The following NBEA variants were observed in gnomAD, a reference collection of about 807,000 sequenced individuals.
The protein encoded by NBEA is neurobeachin, also known as lysosomal-trafficking regulator 2.
Under a neutral mutation model 343.4 loss-of-function variants are expected in NBEA, and 44 were observed. The ratio of observed to expected loss-of-function variants is 0.13; its 90% CI spans 0.10 to 0.16. NBEA has a LOEUF of 0.16. NBEA is among the 10% of genes least tolerant of loss of function. The pLI is 1.00. For synonymous variants in NBEA, 1,175 were observed against 1,238.7 expected, an observed-to-expected ratio of 0.95 and a Z score of 1.08; for missense variants, 2,555 against 3,631.3, an observed-to-expected ratio of 0.70 and a Z score of 7.62.
chr13:35,155,965 A>C lies in NBEA; in HGVS notation c.2527+110A>C, dbSNP rs2069144204. ...AATCATTATGGTGTTTACCTAGTTC[A>C]TGACAGTTTTAACTCACCTTTTATA... On this transcript the variant is annotated intron_variant, in intron 19 of 58. Transcript: ENST00000379939. The C allele has an allele frequency of 3.4e-6, 5 of 1,477,254 alleles. No individual in the cohort carries two copies. In the African/African-American group the frequency reaches 5.6e-5, roughly 17 times the overall value. The allele number at this position is 1,477,254 out of a possible 1,614,324, so 91.5% of individuals were successfully genotyped here. A position where few individuals can be genotyped will look rare whatever the true frequency, so the allele number is the denominator to read the frequency against.
At chr13:35,515,748 GGT>G (rs1491210217) in intron 41 of NBEA, among the ~76,000 whole-genome samples, 1 of 44,316 alleles carries the variant, frequency 2.3e-5, no homozygotes, top group Non-Finnish European at 5.4e-5. Flanking sequence ...TGTAGTAACT[GGT>G]TTTTTTTTTT....
intron 8 of NBEA, among the ~76,000 whole-genome samples, chr13:35,066,486 CAT>C (rs2063658084): frequency 6.6e-6 from 1 of 152,034 alleles, no homozygotes; most frequent in Non-Finnish European, 1.5e-5. Flanking sequence ...GTTGGGTGCA[CAT>C]ATGTTTACAA....
intron 10 of NBEA, among the ~76,000 whole-genome samples, chr13:35,082,656 C>G (rs984744361): frequency 6.6e-6 from 1 of 152,162 alleles, no homozygotes; most frequent in African/African-American, 2.4e-5. Context: ...ATTTGCATTT[C>G]TCTGATGGCC....
At chr13:35,303,079 C>G in intron 35 of NBEA, among the ~76,000 whole-genome samples, 1 of 152,064 alleles carries the variant, frequency 6.6e-6, no homozygotes, top group East Asian at 1.9e-4. Flanking sequence ...GCAGGATAGA[C>G]AGAAGACTTA....
intron 45 of NBEA, among the ~76,000 whole-genome samples, chr13:35,577,585 CT>C (rs2153033982): frequency 6.6e-6 from 1 of 152,050 alleles, no homozygotes; most frequent in East Asian, 1.9e-4. Flanking sequence ...ATATTTTTCA[CT>C]TTGTTATGTC....
chr13:35,232,839 G>A (rs555187481), intron 34 of NBEA, among the ~76,000 whole-genome samples: 6 of 152,122 alleles, frequency 3.9e-5, no homozygotes, highest in African/African-American at 7.2e-5. Flanking sequence ...GATGAAGAAC[G>A]TTGAAAAGGT....
At chr13:35,321,703 C>G (rs1181912054) in intron 36 of NBEA, among the ~76,000 whole-genome samples, 1 of 151,824 alleles carries the variant, frequency 6.6e-6, no homozygotes, top group Non-Finnish European at 1.5e-5. Flanking sequence ...CACAGCCGCC[C>G]CTTCCCCCAG....
chr13:35,553,063 T>G (rs1358066639), intron 43 of NBEA, among the ~76,000 whole-genome samples: 2 of 152,026 alleles, frequency 1.3e-5, no homozygotes, highest in African/African-American at 4.8e-5. Flanking sequence ...AGCTAATTTT[T>G]GTATTGTTTA....
At chr13:35,194,968 G>A (rs1172935989) in intron 30 of NBEA, among the ~76,000 whole-genome samples, 1 of 151,976 alleles carries the variant, frequency 6.6e-6, no homozygotes, top group Non-Finnish European at 1.5e-5. Context: ...CCTTGTCCTT[G>A]AGGAACATTA....
chr13:35,431,874 T>C (rs995074002), intron 38 of NBEA, among the ~76,000 whole-genome samples: 2 of 152,126 alleles, frequency 1.3e-5, no homozygotes, highest in Non-Finnish European at 2.9e-5. Context: ...TGTAGTGAGG[T>C]CTATTCCGTG....
At position 34,968,246 on chromosome 13, in the gene NBEA, G is replaced by A. The variant is rs78924653; in HGVS notation, c.294+25132G>A. Among the ~76,000 whole-genome samples, 1,146 of 152,186 alleles carry A rather than the reference G, an allele frequency of 7.5e-3. 13 individuals carry two copies. The highest frequency in any genetic ancestry group is 0.026 in the African/African-American group (1,085 of 41,514). ...TGTTTGCCAACCTGGAAGCATCCTG[G>A]ACCTCGTTGTTTGAGTTCTTATCAA... is the stretch of plus-strand genomic sequence containing the variant. On this transcript the variant is annotated intron_variant, in intron 1 of 58. Transcript: ENST00000379939.
intron 45 of NBEA, among the ~76,000 whole-genome samples, chr13:35,579,255 T>G (rs924356797): frequency 6.6e-6 from 1 of 152,188 alleles, no homozygotes; most frequent in African/African-American, 2.4e-5. Context: ...TGACCATTCA[T>G]CAGATCAATC....
chr13:35,078,770 T>G (rs1212416683), intron 10 of NBEA, among the ~76,000 whole-genome samples: 1 of 152,172 alleles, frequency 6.6e-6, no homozygotes, highest in Non-Finnish European at 1.5e-5. Flanking sequence ...GCAAGCCGAC[T>G]TATAAAACTT....
chr13:35,256,545 C>G (rs187603734), intron 34 of NBEA, among the ~76,000 whole-genome samples: 333 of 152,200 alleles, frequency 2.2e-3, no homozygotes, highest in Non-Finnish European at 3.3e-3. Flanking sequence ...TGCCCAGGAG[C>G]CTTTCTTCCT....
At chr13:35,540,926 G>T (rs925641401) in intron 41 of NBEA, among the ~76,000 whole-genome samples, 9 of 152,088 alleles carry the variant, frequency 5.9e-5, no homozygotes, top group Admixed American at 2.0e-4. Context: ...AAACAGTATT[G>T]CACTTCTCTA....
intron 38 of NBEA, among the ~76,000 whole-genome samples, chr13:35,356,234 A>G (rs2040483408): frequency 1.3e-5 from 2 of 152,176 alleles, no homozygotes; most frequent in Non-Finnish European, 2.9e-5. Context: ...TCCCTGCATG[A>G]AACCAAAGTG....
intron 36 of NBEA, among the ~76,000 whole-genome samples, chr13:35,311,019 T>G (rs2037326370): frequency 1.3e-5 from 2 of 152,178 alleles, no homozygotes; most frequent in Non-Finnish European, 2.9e-5. Flanking sequence ...TTTTGTGACC[T>G]AATCATGTTA....
At chr13:35,137,813 G>C (rs1043627230) in intron 17 of NBEA, among the ~76,000 whole-genome samples, 27 of 152,042 alleles carry the variant, frequency 1.8e-4, no homozygotes, top group South Asian at 4.1e-4. Context: ...TGAAAAATGA[G>C]TTAAAATAAA....
Position 35,045,409 on chromosome 13 carries a change from T to C in NBEA, c.723+8T>C, listed in dbSNP as rs1428711463. 9 of 1,585,020 alleles carry C rather than the reference T, an allele frequency of 5.7e-6. No homozygotes were observed. Among genetic ancestry groups the C allele is most frequent in the Non-Finnish European group, 7.8e-6 (9 of 1,159,482 alleles). On this transcript the variant is annotated splice_region_variant and intron_variant, in intron 4 of 58. Coordinates refer to ENST00000379939, the MANE Select transcript of NBEA (RefSeq NM_001385012.1). ...CCTGGTTGTAGCGCTGCGGTAAGTT[T>C]TAAATACATGTGCTGATTTTTATTT...
Sources: allele counts gnomAD v4.1 joint callset (sites outside exome capture counted in the v4.1 genomes callset), GRCh38; gene constraint gnomAD v4.1.1; transcripts MANE v1.5; gene names NCBI Gene and HGNC (gene_info 2026-07-23, HGNC 2026-07-21).